Variants in CSGALNACT1 observed in about 807,000 individuals in gnomAD.
The protein encoded by CSGALNACT1 is chondroitin sulfate N-acetylgalactosaminyltransferase 1.
CSGALNACT1 carries 52 observed loss-of-function variants against 51.0 expected under a neutral mutation model. That is an observed-to-expected ratio of 1.02 (90% CI 0.82 to 1.29). The LOEUF (loss-of-function observed/expected upper bound fraction) is 1.29. Among genes scored for constraint, CSGALNACT1 ranks in the 50% most tolerant of loss-of-function variants. The pLI, the probability that CSGALNACT1 is intolerant of heterozygous loss-of-function variation, is 0.00. For synonymous variants in CSGALNACT1, 341 were observed against 254.4 expected, an observed-to-expected ratio of 1.34 and a Z score of -3.24; for missense variants, 935 against 679.2, an observed-to-expected ratio of 1.38 and a Z score of -4.19.
intron 3 of CSGALNACT1, among the ~76,000 whole-genome samples, chr8:19,560,532 A>G (rs144440049): frequency 1.3e-5 from 2 of 152,356 alleles, no homozygotes; most frequent in East Asian, 3.9e-4. Flanking sequence ...GAATTCTGCA[A>G]ACAATTCAAT....
chr8:19,497,021 G>C (rs1468482178), intron 4 of CSGALNACT1, among the ~76,000 whole-genome samples: 1 of 152,144 alleles, frequency 6.6e-6, no homozygotes, highest in Non-Finnish European at 1.5e-5. Context: ...AACCTTATTG[G>C]TGGGGAAAGA....
In CSGALNACT1 at chr8:19,584,611, T is replaced by C. The variant is rs186382706; in HGVS notation, c.-297+6549A>G. Reference sequence around the variant, plus strand: ...AGTATTGCTAATAAATACCATTAATTGACTATTCAGAAATCAAAAGTATAA... The same window carrying C: ...AGTATTGCTAATAAATACCATTAATCGACTATTCAGAAATCAAAAGTATAA... On this transcript the variant is annotated intron_variant, in intron 3 of 9. Coordinates refer to ENST00000454498, the Ensembl canonical transcript of CSGALNACT1. 3.9e-5 allele frequency among the ~76,000 whole-genome samples: 6 copies of C among 152,350 alleles called. No individual in the cohort carries two copies. In the East Asian group the frequency reaches 5.8e-4, roughly 15 times the overall value.
chr8:19,720,125 T>C (rs949164749), intron 1 of CSGALNACT1, among the ~76,000 whole-genome samples: 2 of 152,200 alleles, frequency 1.3e-5, no homozygotes, highest in African/African-American at 2.4e-5. Context: ...ACTGGTGACA[T>C]GGAAGAGCCA....
intron 3 of CSGALNACT1, among the ~76,000 whole-genome samples, chr8:19,564,072 G>A (rs759252244): frequency 2.6e-5 from 4 of 152,026 alleles, no homozygotes; most frequent in African/African-American, 4.8e-5. Context: ...TTCCACTGTC[G>A]GTGCTCCCAC....
intron 7 of CSGALNACT1, among the ~76,000 whole-genome samples, chr8:19,419,229 T>C (rs1438878056): frequency 6.6e-6 from 1 of 152,224 alleles, no homozygotes; most frequent in African/African-American, 2.4e-5. Flanking sequence ...CAGTCATATC[T>C]GCAAATATTT....
chr8:19,669,048 T>C (rs550919858), intron 1 of CSGALNACT1, among the ~76,000 whole-genome samples: 2 of 152,338 alleles, frequency 1.3e-5, no homozygotes, highest in East Asian at 1.9e-4. Context: ...CTCAAACAAA[T>C]TCTGTGTAAA....
At chr8:19,607,264 G>T (rs578117545), upstream of CSGALNACT1, among the ~76,000 whole-genome samples, 3 of 152,216 alleles carry the variant, frequency 2.0e-5, no homozygotes, top group East Asian at 5.8e-4. Context: ...AATCGACAAT[G>T]AAGTGATTCC....
At chr8:19,473,720 C>T (rs2068746482) in intron 4 of CSGALNACT1, among the ~76,000 whole-genome samples, 1 of 152,166 alleles carries the variant, frequency 6.6e-6, no homozygotes, top group Non-Finnish European at 1.5e-5. Context: ...AATGACTCAT[C>T]TAATTAATTA....
At chr8:19,590,964 T>C (rs1241566465) in intron 3 of CSGALNACT1, among the ~76,000 whole-genome samples, 2 of 152,130 alleles carry the variant, frequency 1.3e-5, no homozygotes, top group Non-Finnish European at 2.9e-5. Context: ...ACTACTTAAT[T>C]TTTAGCCATT....
At chr8:19,722,042 T>G (rs1174313977) in intron 1 of CSGALNACT1, among the ~76,000 whole-genome samples, 1 of 152,206 alleles carries the variant, frequency 6.6e-6, no homozygotes, top group South Asian at 2.1e-4. Flanking sequence ...TTTTTTTTTC[T>G]GTGATTTAAA....
chr8:19,599,358 A>G (rs1443840677), intron 2 of CSGALNACT1, among the ~76,000 whole-genome samples: 2 of 151,620 alleles, frequency 1.3e-5, no homozygotes, highest in South Asian at 2.1e-4. Context: ...GAGGCCAAGC[A>G]TGGTGGCTCA....
At chr8:19,735,710 T>C (rs1292861626) in intron 1 of CSGALNACT1, among the ~76,000 whole-genome samples, 1 of 152,170 alleles carries the variant, frequency 6.6e-6, no homozygotes, top group Admixed American at 6.6e-5. Context: ...TTAACAACTT[T>C]ACATGAAAAA....
chr8:19,538,134 A>G (rs1170359840), intron 3 of CSGALNACT1, among the ~76,000 whole-genome samples: 1 of 152,008 alleles, frequency 6.6e-6, no homozygotes. Context: ...CTGGGCAACA[A>G]AGCAAGATGA....
rs1202747986 is a variant in CSGALNACT1, at chr8:19,662,652, T to A, written c.-544+19821A>T. On this transcript the variant is annotated intron_variant, in intron 1 of 9. Transcript: ENST00000332246. ...AACCTTTAAATCCTGAAGTGAAACA[T>A]CTGTGCCTGCTAAGTGGATGCTAGG... Among the ~76,000 whole-genome samples the A allele has an allele frequency of 2.0e-5, 3 of 152,348 alleles. No individual in the cohort carries two copies. In the East Asian group the frequency reaches 5.8e-4, roughly 29 times the overall value.
intron 4 of CSGALNACT1, among the ~76,000 whole-genome samples, chr8:19,500,973 G>A (rs1033633471): frequency 1.3e-5 from 2 of 152,178 alleles, no homozygotes; most frequent in African/African-American, 2.4e-5. Flanking sequence ...GCAGAGGCCG[G>A]GCACGGTGGC....
intron 3 of CSGALNACT1, among the ~76,000 whole-genome samples, chr8:19,556,770 T>C (rs989666365): frequency 1.3e-5 from 2 of 152,120 alleles, no homozygotes; most frequent in South Asian, 2.1e-4. Context: ...CCATGTATCT[T>C]GAAGCAAATT....
At chr8:19,609,670 G>A (rs2051920579) in intron 1 of CSGALNACT1, among the ~76,000 whole-genome samples, 1 of 151,762 alleles carries the variant, frequency 6.6e-6, no homozygotes, top group Non-Finnish European at 1.5e-5. Context: ...GGGTGAGAGG[G>A]GCAAAGAAGG....
chr8:19,414,057 A>T (rs779000694), intron 8 of CSGALNACT1, among the ~76,000 whole-genome samples: 1 of 152,188 alleles, frequency 6.6e-6, no homozygotes, highest in Non-Finnish European at 1.5e-5. Flanking sequence ...ATCTCTTCCC[A>T]ACCTTGTGTT....
intron 1 of CSGALNACT1, among the ~76,000 whole-genome samples, chr8:19,666,466 G>A (rs571799790): frequency 6.6e-5 from 10 of 152,032 alleles, no homozygotes; most frequent in Admixed American, 2.0e-4. Flanking sequence ...AGGCTGAGGC[G>A]GGTGAATCAC....
Sources: allele counts gnomAD v4.1 joint callset (sites outside exome capture counted in the v4.1 genomes callset), GRCh38; gene constraint gnomAD v4.1.1; transcripts MANE v1.5; gene names NCBI Gene and HGNC (gene_info 2026-07-23, HGNC 2026-07-21).